Variants in RNF114 observed in about 807,000 individuals in gnomAD.
The protein encoded by RNF114 is ring finger protein 114.
A neutral mutation model predicts 28.4 loss-of-function variants in RNF114; 6 were observed. The ratio of observed to expected loss-of-function variants is 0.21; its 90% CI spans 0.12 to 0.42. RNF114 has a LOEUF of 0.42. RNF114 is among the 10% of genes least tolerant of loss of function. The probability of loss-of-function intolerance (pLI) is 1.00; values close to 1 mark genes in which losing one functional copy is unlikely to be tolerated. For missense variants in RNF114, 249 were observed against 311.7 expected, an observed-to-expected ratio of 0.80 and a Z score of 1.51; for synonymous variants, 115 against 116.7, an observed-to-expected ratio of 0.99 and a Z score of 0.09.
intron 5 of RNF114, among the ~76,000 whole-genome samples, chr20:49,949,831 G>A (rs958586580): frequency 3.7e-4 from 56 of 152,050 alleles, no homozygotes; most frequent in African/African-American, 1.3e-3. Context: ...TTTCAGTAGA[G>A]ACAGGCTTTC....
intron 5 of RNF114, among the ~76,000 whole-genome samples, chr20:49,949,703 G>A (rs1402607371): frequency 6.6e-6 from 1 of 152,058 alleles, no homozygotes; most frequent in Non-Finnish European, 1.5e-5. Context: ...GGAATGCAGT[G>A]GCGTGATCTC....
In RNF114 at chr20:49,952,320, G is replaced by T; in HGVS notation, c.*179G>T. The T allele has an allele frequency of 1.6e-6, 1 of 607,942 alleles. No individual in the cohort carries two copies. The highest frequency in any genetic ancestry group is 3.0e-6 in the Non-Finnish European group (1 of 332,468). The allele number at this position is 607,942 out of a possible 1,614,324, so 37.7% of individuals were successfully genotyped here. A position where few individuals can be genotyped will look rare whatever the true frequency, so the allele number is the denominator to read the frequency against. ...CCAGGTCAGCCCTTCTCTTCCCTTT[G>T]GGCTCTTGCCAAAGCTGTCTTCCCC... is the stretch of plus-strand genomic sequence containing the variant. On this transcript the variant is annotated 3_prime_UTR_variant, in exon 6 of 6. Transcript: ENST00000244061.
intron 5 of RNF114, among the ~76,000 whole-genome samples, chr20:49,951,286 TACATTCATCTGTGTC>T (rs2090354348): frequency 7.5e-6 from 1 of 133,716 alleles, no homozygotes; most frequent in African/African-American, 2.7e-5. Context: ...ACAGATGAAT[TACATTCATCTGTGTC>T]ACATTAACAA....
At chr20:49,942,629 C>G (rs910674354) in intron 2 of RNF114, among the ~76,000 whole-genome samples, 1 of 152,108 alleles carries the variant, frequency 6.6e-6, no homozygotes. Flanking sequence ...TCTAGACCAG[C>G]CTGGACAACA....
intron 4 of RNF114, 59 bp from the exon 5 acceptor site, chr20:49,949,189 C>T: frequency 7.1e-7 from 1 of 1,408,318 alleles, no homozygotes; most frequent in Non-Finnish European, 1.0e-6. Flanking sequence ...ACACAGGCCA[C>T]AGAGGGCTGG....
Position 49,952,459 on chromosome 20 carries a change from A to C in RNF114, c.*318A>C. 2 of 509,690 alleles carry C rather than the reference A, an allele frequency of 3.9e-6. No homozygotes were observed. The highest frequency in any genetic ancestry group is 3.4e-5 in the South Asian group (1 of 29,268). 31.6% of individuals were successfully genotyped at this position (509,690 alleles called of 1,614,324 possible). ...CTAGCTTCTCCACCTCTTGTTTCAC[A>C]CTCATTCCTCCCATCCAGTGTTTGT... On this transcript the variant is annotated 3_prime_UTR_variant, in exon 6 of 6. Transcript: ENST00000244061.
intron 1 of RNF114, 92 bp downstream of exon 1, chr20:49,936,644 G>A: frequency 6.8e-7 from 1 of 1,476,668 alleles, no homozygotes; most frequent in South Asian, 1.3e-5. Context: ...GGGAGCCAGA[G>A]GACCCACCCA....
intron 1 of RNF114, among the ~76,000 whole-genome samples, chr20:49,937,812 T>C (rs1222448096): frequency 2.0e-5 from 3 of 152,168 alleles, no homozygotes; most frequent in African/African-American, 7.2e-5. Flanking sequence ...TCTCCTTGCT[T>C]GCACAGAGCA....
At position 49,952,370 on chromosome 20, in the gene RNF114, G is replaced by A. The variant is rs1006264506; in HGVS notation, c.*229G>A. The A allele has an allele frequency of 3.6e-6, 2 of 553,010 alleles. No homozygotes were observed. The highest frequency in any genetic ancestry group is 3.3e-6 in the Non-Finnish European group (1 of 307,000). 34.3% of individuals were successfully genotyped at this position (553,010 alleles called of 1,614,324 possible). The stretch of plus-strand genomic sequence containing the variant: ...CTACTGTTAACCTTGTTTGTCACAC[G>A]GTCGAGTTCGTATTGGTTCTCGGCT... On this transcript the variant is annotated 3_prime_UTR_variant, in exon 6 of 6. Transcript: ENST00000244061.
chr20:49,947,830 C>T (rs1278754552), intron 4 of RNF114, among the ~76,000 whole-genome samples: 5 of 106,486 alleles, frequency 4.7e-5, no homozygotes, highest in East Asian at 3.2e-4. Context: ...TTCGCTCTGT[C>T]GCCCAGGCTG....
At chr20:49,938,056 T>G (rs756525502) in intron 1 of RNF114, among the ~76,000 whole-genome samples, 1 of 152,122 alleles carries the variant, frequency 6.6e-6, no homozygotes, top group Non-Finnish European at 1.5e-5. Context: ...CAGGTAATGG[T>G]TGAATGAACT....
At chr20:49,949,767 C>G (rs557000063) in intron 5 of RNF114, among the ~76,000 whole-genome samples, 8 of 152,252 alleles carry the variant, frequency 5.3e-5, no homozygotes, top group Non-Finnish European at 8.8e-5. Flanking sequence ...GCCTCAGCCT[C>G]CTGAGTAGCT....
intron 3 of RNF114, 100 bp from the exon 4 acceptor site, chr20:49,946,036 T>G: frequency 1.7e-6 from 1 of 587,702 alleles, no homozygotes; most frequent in Non-Finnish European, 3.0e-6. Flanking sequence ...TCATTACACA[T>G]TTGGTGAGCT....
rs60425763 is a variant in RNF114 at position 49,943,651 on chromosome 20, C to CTTTTTTTTTTTTTT, written c.292-1719_292-1706dup. On this transcript the variant is annotated intron_variant, in intron 2 of 5. Transcript: ENST00000244061. ...TTGAAATACAATTCCCTACTGTCTTCTTTTTTTTTTTTTTTTTTTTTTTTT... is the reference window on the plus strand; with the variant it reads ...TTGAAATACAATTCCCTACTGTCTTCTTTTTTTTTTTTTTTTTTTTTTTTTTTTTTTTTTTTTTT... Among the ~76,000 whole-genome samples, 3 of 72,122 alleles carry CTTTTTTTTTTTTTT rather than the reference C, an allele frequency of 4.2e-5. 1 individual carries two copies. The highest frequency in any genetic ancestry group is 1.2e-4 in the African/African-American group (2 of 16,836). The allele number at this position is 72,122 out of a possible 152,430, so 47.3% of individuals were successfully genotyped here.
chr20:49,945,634 C>T (rs917433207), intron 3 of RNF114, 146 bp downstream of exon 3: 1 of 596,840 alleles, frequency 1.7e-6, no homozygotes, highest in African/African-American at 1.9e-5. Flanking sequence ...AGGGAGGACT[C>T]TGGTGTTCAC....
chr20:49,941,856 G>A lies in RNF114; in HGVS notation c.291+145G>A, dbSNP rs923588792. 2.1e-5 allele frequency: 16 copies of A among 765,184 alleles called. No homozygotes were observed. The African/African-American group carries it at 2.7e-4, about 13-fold the overall frequency. The allele number at this position is 765,184 out of a possible 1,614,324, so 47.4% of individuals were successfully genotyped here. A position where few individuals can be genotyped will look rare whatever the true frequency, so the allele number is the denominator to read the frequency against. On this transcript the variant is annotated intron_variant, in intron 2 of 5. Transcript: ENST00000244061. ...TGCCAATTACCTGTGGTGATGGCTGGGCTGGTTTGTTTTCATAACCTTACT... is the reference window on the plus strand; with the variant it reads ...TGCCAATTACCTGTGGTGATGGCTGAGCTGGTTTGTTTTCATAACCTTACT...
intron 2 of RNF114, chr20:49,944,158 T>G (rs1038699728): frequency 5.9e-5 from 9 of 152,108 alleles, no homozygotes; most frequent in African/African-American, 2.2e-4. Flanking sequence ...AACCTCTGCC[T>G]CCCAGGCTCA....
chr20:49,946,133 C>T lies in RNF114; in HGVS notation c.399-3C>T, dbSNP rs759177654. ...TTCTTTTTTCCTGTGTTTCACCTTC[C>T]AGGAATGTTCCAAACCGTTACACCT... is the stretch of plus-strand genomic sequence containing the variant. On this transcript the variant is annotated splice_region_variant and splice_polypyrimidine_tract_variant and intron_variant, in intron 3 of 5. Transcript: ENST00000244061. The T allele has an allele frequency of 3.2e-6, 5 of 1,560,308 alleles. No individual in the cohort carries two copies. Among genetic ancestry groups the T allele is most frequent in the African/African-American group, 1.4e-5 (1 of 72,556 alleles).
chr20:49,945,883 C>T (rs1727093431), intron 3 of RNF114, among the ~76,000 whole-genome samples: 1 of 152,202 alleles, frequency 6.6e-6, no homozygotes, highest in African/African-American at 2.4e-5. Context: ...TCAGGCTGGT[C>T]TTGAACTCCT....
Sources: gnomAD v4.1 joint callset for allele counts (sites outside exome capture counted in the v4.1 genomes callset) on GRCh38, gnomAD v4.1.1 for gene constraint, MANE v1.5 for transcripts, NCBI Gene and HGNC (gene_info 2026-07-23, HGNC 2026-07-21) for gene names.